Variants in AKAP9 observed in about 807,000 individuals in gnomAD.
The protein encoded by AKAP9 is A-kinase anchoring protein 9.
In AKAP9, 311 loss-of-function variants were observed where a neutral mutation model predicts 488.5. That is an observed-to-expected ratio of 0.64 (90% CI 0.58 to 0.70). AKAP9 has a LOEUF of 0.70. AKAP9 is among the 30% of genes least tolerant of loss of function. The pLI, the probability that AKAP9 is intolerant of heterozygous loss-of-function variation, is 0.00. For synonymous variants in AKAP9, 1,462 were observed against 1,483.5 expected (o/e 0.99, Z 0.33); for missense variants, 4,215 against 4,374.5 (o/e 0.96, Z 1.03).
At chr7:91,941,291 T>C (rs559017676) in intron 1 of AKAP9, 144 bp downstream of exon 1, 7 of 683,006 alleles carry the variant, frequency 1.0e-5, no homozygotes, top group Middle Eastern at 4.0e-4. Flanking sequence ...TCTGCATCTC[T>C]CCTCGCCCTC....
intron 1 of AKAP9, among the ~76,000 whole-genome samples, chr7:91,958,193 TTTTA>T (rs1392807204): frequency 6.6e-6 from 1 of 152,254 alleles, no homozygotes; most frequent in Non-Finnish European, 1.5e-5. Flanking sequence ...GCAGCAGTTC[TTTTA>T]TTTTTTAGTA....
intron 12 of AKAP9, among the ~76,000 whole-genome samples, chr7:92,017,675 T>TTGA (rs1801714638): frequency 6.6e-6 from 1 of 152,216 alleles, no homozygotes; most frequent in South Asian, 2.1e-4. Context: ...GGGGTGCTTT[T>TTGA]TGATGTTCAG....
chr7:92,054,482 G>A (rs1808455879), intron 22 of AKAP9, among the ~76,000 whole-genome samples: 1 of 152,032 alleles, frequency 6.6e-6, no homozygotes, highest in Admixed American at 6.6e-5. Context: ...AGAGAAGAGA[G>A]CAACATCTGA....
intron 6 of AKAP9, among the ~76,000 whole-genome samples, chr7:91,995,320 G>T (rs1798253969): frequency 6.6e-6 from 1 of 152,156 alleles, no homozygotes. Flanking sequence ...ACTACAAACT[G>T]GAAAGCCATA....
At chr7:92,014,550 G>A (rs1801240213) in intron 10 of AKAP9, among the ~76,000 whole-genome samples, 1 of 152,138 alleles carries the variant, frequency 6.6e-6, no homozygotes, top group Non-Finnish European at 1.5e-5. Context: ...AATTGCTTGG[G>A]CATGGGAGGC....
intron 11 of AKAP9, 96 bp from the exon 12 acceptor site, chr7:92,016,921 A>G: frequency 1.0e-6 from 1 of 973,224 alleles, no homozygotes. Context: ...CTAGCAGGCA[A>G]TTTTTTTAAG....
intron 39 of AKAP9, among the ~76,000 whole-genome samples, chr7:92,094,102 C>T (rs537883000): frequency 1.0e-3 from 156 of 152,112 alleles, no homozygotes; most frequent in African/African-American, 3.4e-3. Flanking sequence ...CCACCCACCA[C>T]GGCCTCCCAA....
At position 92,102,243 on chromosome 7, in the gene AKAP9, TA is replaced by T. The variant is rs200511383; in HGVS notation, c.11098-341del. ...CCTAATAAAAATAGCTCTGTACAAT[TA>T]AAAAAAAAATTGGGATGACAAAAAT... On this transcript the variant is annotated intron_variant, in intron 45 of 49. Coordinates refer to ENST00000356239, the MANE Select transcript of AKAP9 (RefSeq NM_005751.5). 6.6e-3 allele frequency among the ~76,000 whole-genome samples: 970 copies of T among 146,738 alleles called. 7 individuals are homozygous for T. The highest frequency in any genetic ancestry group is 0.011 in the Non-Finnish European group (701 of 66,358).
intron 1 of AKAP9, among the ~76,000 whole-genome samples, chr7:91,962,024 A>G (rs887894114): frequency 6.6e-6 from 1 of 151,952 alleles, no homozygotes; most frequent in African/African-American, 2.4e-5. Context: ...ATATGTTAAC[A>G]TTTTTATAAT....
intron 12 of AKAP9, among the ~76,000 whole-genome samples, chr7:92,017,647 G>A (rs1350018195): frequency 6.6e-6 from 1 of 152,166 alleles, no homozygotes; most frequent in Non-Finnish European, 1.5e-5. Context: ...CCAGAAAGAT[G>A]TCTGTGTCTA....
chr7:91,947,993 C>T (rs1372182528), intron 1 of AKAP9, among the ~76,000 whole-genome samples: 2 of 152,188 alleles, frequency 1.3e-5, no homozygotes, highest in African/African-American at 4.8e-5. Flanking sequence ...ATCACCAACG[C>T]ACTCTCTGGA....
intron 3 of AKAP9, among the ~76,000 whole-genome samples, chr7:91,984,114 G>A (rs1313618863): frequency 6.6e-6 from 1 of 152,102 alleles, no homozygotes; most frequent in African/African-American, 2.4e-5. Flanking sequence ...TTCTTTTGCT[G>A]TGCAGAAGCT....
chr7:91,995,531 A>T, intron 6 of AKAP9, 72 bp from the exon 7 acceptor site: 1 of 1,375,434 alleles, frequency 7.3e-7, no homozygotes, highest in Non-Finnish European at 1.0e-6. Context: ...TTGCAGGGAC[A>T]CCCCAAAGGT....
chr7:91,947,138 A>G (rs1453004641), intron 1 of AKAP9, among the ~76,000 whole-genome samples: 4 of 150,722 alleles, frequency 2.7e-5, no homozygotes, highest in Admixed American at 1.3e-4. Context: ...CTTATTTATA[A>G]AAGTGGTTTG....
Position 92,068,365 on chromosome 7 carries a change from C to CAAAAAAA in AKAP9, c.6331-1649_6331-1643dup, listed in dbSNP as rs77237109. On this transcript the variant is annotated intron_variant, in intron 26 of 49. Coordinates refer to ENST00000356239, the MANE Select transcript of AKAP9 (RefSeq NM_005751.5). ...TTGGGGACAGAGCAAGACTCCGTCTCAAAAAAAAAAAAAAAAAAAAAAGAA... is the reference window on the plus strand; with the variant it reads ...TTGGGGACAGAGCAAGACTCCGTCTCAAAAAAAAAAAAAAAAAAAAAAAAAAAAAGAA... 2.4e-3 allele frequency among the ~76,000 whole-genome samples: 107 copies of CAAAAAAA among 45,180 alleles called. 2 individuals are homozygous for CAAAAAAA. Among genetic ancestry groups the CAAAAAAA allele is most frequent in the Non-Finnish European group, 3.6e-3 (73 of 20,074 alleles). 29.6% of individuals were successfully genotyped at this position (45,180 alleles called of 152,430 possible).
At chr7:92,018,548 G>A (rs750656981) in intron 12 of AKAP9, among the ~76,000 whole-genome samples, 3 of 152,064 alleles carry the variant, frequency 2.0e-5, no homozygotes, top group East Asian at 1.9e-4. Flanking sequence ...TTATAGACTG[G>A]ATTTAAAGTT....
Position 92,110,556 on chromosome 7 carries a change from A to G in AKAP9, c.*397A>G. 4.0e-6 allele frequency: 1 copy of G among 248,546 alleles called. No individual in the cohort carries two copies. The highest frequency in any genetic ancestry group is 7.9e-6 in the Non-Finnish European group (1 of 127,382). 15.4% of individuals were successfully genotyped at this position (248,546 alleles called of 1,614,324 possible). ...TTTTGCCTAATATATTCTACTGGTGATGAAGACAGATAATATCACTTGTAG... is the reference window on the plus strand; with the variant it reads ...TTTTGCCTAATATATTCTACTGGTGGTGAAGACAGATAATATCACTTGTAG... On this transcript the variant is annotated 3_prime_UTR_variant, in exon 50 of 50. Transcript: ENST00000356239.
chr7:91,952,881 G>A (rs190341177), intron 1 of AKAP9, among the ~76,000 whole-genome samples: 50 of 152,172 alleles, frequency 3.3e-4, no homozygotes, highest in African/African-American at 1.1e-3. Context: ...GTGCAGTGGC[G>A]TGATCATAGG....
intron 37 of AKAP9, among the ~76,000 whole-genome samples, chr7:92,089,178 T>C (rs1815101858): frequency 6.6e-6 from 1 of 152,194 alleles, no homozygotes; most frequent in East Asian, 1.9e-4. Flanking sequence ...GTTCTTGTTT[T>C]AAGGAAATAC....
Sources: gnomAD v4.1 joint callset for allele counts (sites outside exome capture counted in the v4.1 genomes callset) on GRCh38, gnomAD v4.1.1 for gene constraint, MANE v1.5 for transcripts, NCBI Gene and HGNC (gene_info 2026-07-23, HGNC 2026-07-21) for gene names.